The following CDK15 variants were observed in gnomAD, a reference collection of about 807,000 sequenced individuals.
CDK15 encodes cyclin dependent kinase 15.
In CDK15, 62 loss-of-function variants were observed where a neutral mutation model predicts 60.3. That is an observed-to-expected ratio of 1.03 (90% CI 0.84 to 1.27). The LOEUF is 1.27. Ranked by LOEUF, CDK15 falls within the 50% of genes most tolerant of loss-of-function variation. CDK15 has a pLI of 0.00. For synonymous variants in CDK15, 194 were observed against 195.7 expected (o/e 0.99, Z 0.07); for missense variants, 541 against 527.8 (o/e 1.03, Z -0.25).
chr2:201,846,096 G>A (rs981055409), intron 8 of CDK15, among the ~76,000 whole-genome samples: 4 of 152,072 alleles, frequency 2.6e-5, no homozygotes, highest in Non-Finnish European at 5.9e-5. Flanking sequence ...AAATCAGGAT[G>A]CACCTTATAA....
chr2:201,845,788 A>G (rs2105771175), intron 8 of CDK15, among the ~76,000 whole-genome samples: 1 of 152,008 alleles, frequency 6.6e-6, no homozygotes, highest in Admixed American at 6.6e-5. Context: ...CAAAATGATT[A>G]AGAGAGTTTG....
At chr2:201,889,536 C>A in intron 12 of CDK15, 2 of 580,642 alleles carry the variant, frequency 3.4e-6, no homozygotes, top group Non-Finnish European at 4.3e-6. Flanking sequence ...TTCAGATAAG[C>A]CCCTTGCAAT....
intron 4 of CDK15, among the ~76,000 whole-genome samples, chr2:201,813,632 A>T (rs1038217769): frequency 6.6e-6 from 1 of 152,252 alleles, no homozygotes; most frequent in Non-Finnish European, 1.5e-5. Flanking sequence ...ACAAGTGTAT[A>T]AAAGACATAA....
rs113787644 is a variant in CDK15 at position 201,891,157 on chromosome 2, G to T, written c.*33+230G>T. On this transcript the variant is annotated intron_variant, in intron 13 of 13. Coordinates refer to ENST00000652192, the MANE Select transcript of CDK15 (RefSeq NM_001366386.2). ...CTTCCACTCCCGGAGCAGGGATAAA[G>T]CTCCTAAGACAGAACTTCTATGCTT... Among the ~76,000 whole-genome samples, 22 of 152,332 alleles carry T rather than the reference G, an allele frequency of 1.4e-4. No individual in the cohort carries two copies. The South Asian group carries it at 4.6e-3, about 32-fold the overall frequency.
intron 4 of CDK15, among the ~76,000 whole-genome samples, chr2:201,814,712 G>A (rs1462292684): frequency 1.3e-5 from 2 of 152,156 alleles, no homozygotes; most frequent in Non-Finnish European, 2.9e-5. Flanking sequence ...AACAAGTAAT[G>A]CAGCCCTCTT....
At chr2:201,816,463 T>G (rs866683015) in intron 4 of CDK15, among the ~76,000 whole-genome samples, 2 of 146,908 alleles carry the variant, frequency 1.4e-5, no homozygotes, top group African/African-American at 5.1e-5. Flanking sequence ...TGGTTTTTTT[T>G]TTTTTTTTTT....
chr2:201,818,593 C>A (rs947306592), intron 4 of CDK15, among the ~76,000 whole-genome samples: 24 of 152,176 alleles, frequency 1.6e-4, no homozygotes, highest in Non-Finnish European at 4.4e-5. Flanking sequence ...CATTTCAGAT[C>A]CCTCTGGTGG....
chr2:201,856,063 G>A (rs1186221398), intron 10 of CDK15, among the ~76,000 whole-genome samples: 1 of 152,002 alleles, frequency 6.6e-6, no homozygotes, highest in Non-Finnish European at 1.5e-5. Context: ...CCTGACCTCA[G>A]GTGATCCACT....
chr2:201,871,241 C>T (rs1698841868), intron 10 of CDK15, among the ~76,000 whole-genome samples: 1 of 152,028 alleles, frequency 6.6e-6, no homozygotes, highest in African/African-American at 2.4e-5. Flanking sequence ...CTCACTGCAG[C>T]CTCAACCTCC....
At chr2:201,875,869 C>A (rs890338972) in intron 11 of CDK15, among the ~76,000 whole-genome samples, 1 of 152,202 alleles carries the variant, frequency 6.6e-6, no homozygotes, top group Non-Finnish European at 1.5e-5. Flanking sequence ...TCTGCATTTT[C>A]TAAGTGCTCT....
intron 8 of CDK15, among the ~76,000 whole-genome samples, chr2:201,845,362 A>G (rs1360990577): frequency 6.6e-6 from 1 of 152,222 alleles, no homozygotes; most frequent in Non-Finnish European, 1.5e-5. Flanking sequence ...TTCTTTTAAT[A>G]TGTATTCTGT....
At chr2:201,815,965 A>C (rs1291825410) in intron 4 of CDK15, among the ~76,000 whole-genome samples, 1 of 152,212 alleles carries the variant, frequency 6.6e-6, no homozygotes. Context: ...AGTTGTTAGA[A>C]TCCATTTCTA....
At chr2:201,833,816 A>G (rs766268330) in intron 6 of CDK15, 32 bp from the exon 7 acceptor site, 8 of 1,604,386 alleles carry the variant, frequency 5.0e-6, no homozygotes, top group Non-Finnish European at 6.8e-6. Flanking sequence ...GGTGGCTCAA[A>G]TCTCCTTATG....
intron 10 of CDK15, among the ~76,000 whole-genome samples, chr2:201,863,809 T>C (rs1698498177): frequency 2.0e-5 from 3 of 152,052 alleles, no homozygotes; most frequent in African/African-American, 7.3e-5. Context: ...GGCAGGAGAA[T>C]CACTTGAACC....
chr2:201,890,552 T>C (rs912503278), intron 12 of CDK15, among the ~76,000 whole-genome samples: 1 of 152,220 alleles, frequency 6.6e-6, no homozygotes, highest in African/African-American at 2.4e-5. Context: ...CATACTGCCT[T>C]GCACAAGTGT....
At chr2:201,854,350 C>A (rs1055880122) in intron 9 of CDK15, among the ~76,000 whole-genome samples, 1 of 152,166 alleles carries the variant, frequency 6.6e-6, no homozygotes, top group African/African-American at 2.4e-5. Context: ...TTGGGGTCAT[C>A]TTTAGCCAAC....
intron 11 of CDK15, among the ~76,000 whole-genome samples, chr2:201,873,684 T>A (rs1359366711): frequency 4.6e-5 from 7 of 152,260 alleles, no homozygotes; most frequent in Non-Finnish European, 8.8e-5. Context: ...CCTCTGCGCC[T>A]TCCCTTGTCC....
intron 6 of CDK15, among the ~76,000 whole-genome samples, chr2:201,830,273 A>G (rs1696693112): frequency 6.6e-6 from 1 of 152,226 alleles, no homozygotes; most frequent in Non-Finnish European, 1.5e-5. Flanking sequence ...TAGTAGAAGT[A>G]GAACCTATAA....
At chr2:201,888,589 C>CCTTG in intron 12 of CDK15, 1 of 1,453,760 alleles carries the variant, frequency 6.9e-7, no homozygotes, top group South Asian at 1.4e-5. Flanking sequence ...TTTTTATTTC[C>CCTTG]CTTTCTTTCT....
Sources: allele counts gnomAD v4.1 joint callset (sites outside exome capture counted in the v4.1 genomes callset), GRCh38; gene constraint gnomAD v4.1.1; transcripts MANE v1.5; gene names NCBI Gene and HGNC (gene_info 2026-07-23, HGNC 2026-07-21).